Variants in ADAM22 observed in about 807,000 individuals in gnomAD.
The protein encoded by ADAM22 is disintegrin and metalloproteinase domain-containing protein 22.
ADAM22 carries 65 observed loss-of-function variants against 144.6 expected under a neutral mutation model. The ratio of observed to expected loss-of-function variants is 0.45; its 90% confidence interval spans 0.37 to 0.55. The LOEUF (loss-of-function observed/expected upper bound fraction) is 0.55. Ranked by LOEUF, ADAM22 falls within the 20% of genes least tolerant of loss-of-function variation. The probability of loss-of-function intolerance (pLI) is 0.00; values close to 1 mark genes in which losing one functional copy is unlikely to be tolerated. For missense variants in ADAM22, 974 were observed against 1,184.9 expected (o/e 0.82, Z 2.61); for synonymous variants, 391 against 412.6 (o/e 0.95, Z 0.63).
chr7:87,946,243 G>A (rs1843658887), intron 2 of ADAM22, among the ~76,000 whole-genome samples: 1 of 151,932 alleles, frequency 6.6e-6, no homozygotes. Context: ...TTTGCTTGTT[G>A]AATTAAGTTC....
In ADAM22 at chr7:88,193,210, G is replaced by A. The variant is rs1236905150; in HGVS notation, c.2845G>A (p.Asp949Asn). 5 of 1,613,908 alleles carry A rather than the reference G, an allele frequency of 3.1e-6. No individual in the cohort carries two copies. The highest frequency in any genetic ancestry group is 1.7e-5 in the Admixed American group (1 of 59,998). The change falls in exon 31 of 32, where the codon GAC becomes AAC. Residue 949 changes from aspartate (D) to asparagine (N), a missense_variant. Physicochemically the swap from Asp to Asn is conservative, Grantham distance 23 (BLOSUM62 1). Transcript: ENST00000413139. ...CCCAATGCCTCCACTTCCTGATGAG[G>A]ACAAGAAAGTGAACCGACAAAGTGC... ...PYPMPPLPDEDKKVNRQSARL... is the reference protein window; with the variant it reads ...PYPMPPLPDENKKVNRQSARL...
At chr7:88,162,133 C>CA (rs1554510200) in intron 22 of ADAM22, among the ~76,000 whole-genome samples, 2 of 149,396 alleles carry the variant, frequency 1.3e-5, no homozygotes, top group Admixed American at 6.7e-5. Flanking sequence ...CACACACACA[C>CA]CATGGAATAC....
intron 3 of ADAM22, among the ~76,000 whole-genome samples, chr7:88,010,905 A>C (rs1337654938): frequency 6.6e-6 from 1 of 152,166 alleles, no homozygotes; most frequent in Non-Finnish European, 1.5e-5. Context: ...ACTTATCCCC[A>C]TTTTGAAGAT....
intron 7 of ADAM22, among the ~76,000 whole-genome samples, chr7:88,119,689 A>G (rs1828757726): frequency 2.0e-5 from 3 of 152,144 alleles, no homozygotes; most frequent in Admixed American, 2.0e-4. Flanking sequence ...GGGTTTCACC[A>G]TGTTGGTCAG....
chr7:87,980,090 C>G (rs1416084267), intron 3 of ADAM22, among the ~76,000 whole-genome samples: 2 of 152,154 alleles, frequency 1.3e-5, no homozygotes. Context: ...GAAGGAGACA[C>G]ACATATGGTC....
At chr7:88,030,748 G>A (rs945907074) in intron 3 of ADAM22, among the ~76,000 whole-genome samples, 6 of 151,972 alleles carry the variant, frequency 3.9e-5, no homozygotes, top group Non-Finnish European at 5.9e-5. Context: ...TTTGCCTTCC[G>A]CCATGATTGT....
At chr7:88,165,593 A>G (rs1017428855) in intron 23 of ADAM22, among the ~76,000 whole-genome samples, 12 of 151,740 alleles carry the variant, frequency 7.9e-5, no homozygotes, top group African/African-American at 2.9e-4. Context: ...TTTTTTTTAG[A>G]TGTAGATCAA....
chr7:88,042,381 C>G (rs376407284), intron 3 of ADAM22, among the ~76,000 whole-genome samples: 13 of 151,466 alleles, frequency 8.6e-5, no homozygotes, highest in East Asian at 3.9e-4. Context: ...TTATGTTGAT[C>G]TGGTATATAG....
intron 3 of ADAM22, among the ~76,000 whole-genome samples, chr7:87,983,057 G>T (rs1854088245): frequency 6.6e-6 from 1 of 151,570 alleles, no homozygotes. Flanking sequence ...TTGATTTTAG[G>T]GCTTAGTACC....
intron 2 of ADAM22, among the ~76,000 whole-genome samples, chr7:87,938,803 C>G (rs773320159): frequency 2.2e-4 from 34 of 152,048 alleles, no homozygotes; most frequent in Non-Finnish European, 1.2e-4. Context: ...GCGCGTGCCA[C>G]CACACCTGGC....
chr7:88,134,281 G>T, intron 12 of ADAM22, 48 bp from the exon 13 acceptor site: 5 of 1,406,340 alleles, frequency 3.6e-6, no homozygotes, highest in Non-Finnish European at 4.9e-6. Flanking sequence ...TTCTTTGTCA[G>T]TGACAATTTG....
intron 3 of ADAM22, among the ~76,000 whole-genome samples, chr7:88,058,660 A>G (rs1227073040): frequency 1.3e-5 from 2 of 152,204 alleles, no homozygotes; most frequent in African/African-American, 4.8e-5. Flanking sequence ...AAAAGAAAGG[A>G]TGTTTTCTTT....
At chr7:88,072,322 A>G (rs909608622) in intron 3 of ADAM22, among the ~76,000 whole-genome samples, 2 of 152,224 alleles carry the variant, frequency 1.3e-5, no homozygotes, top group African/African-American at 4.8e-5. Context: ...CCTAGATTTT[A>G]TAATTCAAAG....
chr7:88,005,931 A>T (rs931483272), intron 3 of ADAM22, among the ~76,000 whole-genome samples: 3 of 152,210 alleles, frequency 2.0e-5, no homozygotes, highest in African/African-American at 7.2e-5. Context: ...AAACCTAGAA[A>T]TATAACATTT....
chr7:88,044,352 G>C (rs1270156252), intron 3 of ADAM22, among the ~76,000 whole-genome samples: 1 of 152,134 alleles, frequency 6.6e-6, no homozygotes, highest in Non-Finnish European at 1.5e-5. Context: ...TCTGTTATGT[G>C]GTTCCATAAT....
intron 2 of ADAM22, among the ~76,000 whole-genome samples, chr7:87,941,412 A>G (rs1451140183): frequency 6.6e-6 from 1 of 152,158 alleles, no homozygotes; most frequent in Non-Finnish European, 1.5e-5. Flanking sequence ...AGTCAGCTTG[A>G]TGGTAAATTG....
At chr7:88,081,596 T>A (rs901906437) in intron 4 of ADAM22, among the ~76,000 whole-genome samples, 2 of 150,144 alleles carry the variant, frequency 1.3e-5, no homozygotes, top group Non-Finnish European at 3.0e-5. Flanking sequence ...AAAACCCCAT[T>A]GTCTCAGCCC....
At position 87,934,560 on chromosome 7, in the gene ADAM22, C is replaced by G; in HGVS notation, c.85+10C>G. ...CGCTGCGGCCAGGCAGGTAAGTTAG[C>G]CGTCCTCTGTGCCTTTGGGCCATAC... On this transcript the variant is annotated intron_variant, in intron 1 of 31. Coordinates refer to ENST00000413139, the MANE Select transcript of ADAM22 (RefSeq NM_001324418.2). 6.2e-7 allele frequency: 1 copy of G among 1,603,836 alleles called. No homozygotes were observed. The highest frequency in any genetic ancestry group is 1.1e-5 in the South Asian group (1 of 89,986).
chr7:87,934,470 A>T lies in ADAM22; in HGVS notation c.5A>T (p.Gln2Leu), dbSNP rs1469293567. The change falls in exon 1 of 32, where the codon CAG (glutamine) becomes CTG (leucine). Residue 2 changes from glutamine (Q) to leucine (L), a missense_variant. This residue lies in a region of ADAM22 where 240 missense variants were observed against 234.3 expected (regional missense o/e 1.02). Transcript: ENST00000413139. ...AGGCGGGCTGACGGCAGCACCATGC[A>T]GGCGGCAGTGGCTGTGTCCGTGCCC... M[Q>L]AAVAVSVPFL... The T allele has an allele frequency of 1.3e-6, 2 of 1,599,030 alleles. No homozygotes were observed.
Sources: allele counts gnomAD v4.1 joint callset (sites outside exome capture counted in the v4.1 genomes callset), GRCh38; gene constraint gnomAD v4.1.1; regional missense constraint gnomAD v4.1.1; transcripts MANE v1.5; gene names NCBI Gene and HGNC (gene_info 2026-07-23, HGNC 2026-07-21).